LPIN1: variants seen among roughly 807,000 people sequenced by gnomAD.
LPIN1 encodes the protein phosphatidate phosphatase LPIN1.
A neutral mutation model predicts 107.5 loss-of-function variants in LPIN1; 71 were observed. The ratio of observed to expected loss-of-function variants is 0.66; its 90% CI spans 0.55 to 0.80. The LOEUF (loss-of-function observed/expected upper bound fraction) is 0.80, where lower values mean the gene tolerates loss of function less well. LPIN1 is among the 30% of genes least tolerant of loss of function. The pLI is 0.00. For missense variants in LPIN1, 1,043 were observed against 1,160.6 expected, an observed-to-expected ratio of 0.90 and a Z score of 1.47; for synonymous variants, 445 against 452.6, an observed-to-expected ratio of 0.98 and a Z score of 0.21.
chr2:11,741,811 A>G (rs1467577182), upstream of LPIN1, among the ~76,000 whole-genome samples: 1 of 152,098 alleles, frequency 6.6e-6, no homozygotes, highest in Non-Finnish European at 1.5e-5. Flanking sequence ...CTCCATCTCA[A>G]AAACAAAACC....
chr2:11,696,828 G>A (rs952106621), intron 1 of LPIN1, among the ~76,000 whole-genome samples: 4 of 152,242 alleles, frequency 2.6e-5, no homozygotes, highest in African/African-American at 4.8e-5. Flanking sequence ...ACTTTGGGGG[G>A]CTCCTTTCCC....
chr2:11,782,417 C>A lies in LPIN1; in HGVS notation c.1174C>A (p.Pro392Thr), dbSNP rs779413969. 1 of 1,614,190 alleles carries A rather than the reference C, an allele frequency of 6.2e-7. No individual in the cohort carries two copies. Among genetic ancestry groups the A allele is most frequent in the South Asian group, 1.1e-5 (1 of 91,076 alleles). The change falls in exon 8 of 21, where the codon CCA becomes ACA. Residue 392 changes from proline to threonine, a missense_variant. By Grantham distance (38) the Pro-to-Thr change is conservative (BLOSUM62 -1). Coordinates refer to ENST00000674199, the MANE Select transcript of LPIN1 (RefSeq NM_001349206.2). ...EDLETLGAAA[P>T]LLPMIEELKP... ...CCTGGAGACCTTAGGAGCAGCAGCG[C>A]CACTCTTGCCCATGATCGAGGAGCT...
intron 14 of LPIN1, among the ~76,000 whole-genome samples, chr2:11,796,691 G>A (rs539199052): frequency 6.6e-6 from 1 of 152,286 alleles, no homozygotes; most frequent in South Asian, 2.1e-4. Context: ...CCAGGGTATC[G>A]ATATTTCCCA....
intron 1 of LPIN1, among the ~76,000 whole-genome samples, chr2:11,728,089 C>T (rs1015437107): frequency 1.3e-5 from 2 of 152,104 alleles, no homozygotes; most frequent in Non-Finnish European, 2.9e-5. Flanking sequence ...TGTGTGATAC[C>T]GAGAGATTCA....
At chr2:11,770,617 A>C (rs1339123937) in intron 3 of LPIN1, among the ~76,000 whole-genome samples, 3 of 152,214 alleles carry the variant, frequency 2.0e-5, no homozygotes, top group Admixed American at 2.0e-4. Context: ...GATCAGCAGC[A>C]CACGTTTATT....
At chr2:11,823,375 C>T (rs1004014551) in intron 20 of LPIN1, among the ~76,000 whole-genome samples, 1 of 152,136 alleles carries the variant, frequency 6.6e-6, no homozygotes, top group East Asian at 1.9e-4. Context: ...GCCTTAAAGC[C>T]GGGAGGTATT....
rs932077126 is a variant in LPIN1, at chr2:11,786,900, G to A, written c.1550-174G>A. Reference sequence around the variant, plus strand: ...CTCCCTGCATTGCTGCACAGACGCCGCCTTCCAGGTAAAATGGTGCGGCCT... The same window carrying A: ...CTCCCTGCATTGCTGCACAGACGCCACCTTCCAGGTAAAATGGTGCGGCCT... On this transcript the variant is annotated intron_variant, in intron 10 of 20. Coordinates refer to ENST00000674199, the MANE Select transcript of LPIN1 (RefSeq NM_001349206.2). This position sits in a 1 kb window ranked among gnomAD's most constrained non-coding sequence, Gnocchi z 4.1. 23 of 644,754 alleles carry A rather than the reference G, an allele frequency of 3.6e-5. No homozygotes were observed. The highest frequency in any genetic ancestry group is 1.8e-4 in the African/African-American group (10 of 56,076). 39.9% of individuals were successfully genotyped at this position (644,754 alleles called of 1,614,324 possible). A position where few individuals can be genotyped will look rare whatever the true frequency, so the allele number is the denominator to read the frequency against.
At chr2:11,759,258 C>T (rs1669237520) in intron 1 of LPIN1, among the ~76,000 whole-genome samples, 1 of 150,636 alleles carries the variant, frequency 6.6e-6, no homozygotes, top group Non-Finnish European at 1.5e-5. Context: ...CATAGGACAA[C>T]AGTGGAGGGA....
intron 1 of LPIN1, among the ~76,000 whole-genome samples, chr2:11,739,628 A>C (rs73183118): frequency 0.036 from 5,491 of 152,310 alleles, 330 homozygotes; most frequent in African/African-American, 0.12. Flanking sequence ...AAGTAACTTT[A>C]CTGCATCTCA....
chr2:11,765,647 A>G lies in LPIN1; in HGVS notation c.106A>G (p.Ile36Val). 1 of 1,614,122 alleles carries G rather than the reference A, an allele frequency of 6.2e-7. No homozygotes were observed. The highest frequency in any genetic ancestry group is 8.5e-7 in the Non-Finnish European group (1 of 1,180,000). Residue 36 changes from isoleucine (I) to valine (V), a missense_variant, in exon 2 of 21, where the codon ATC (isoleucine) becomes GTC (valine). Physicochemically the swap from Ile to Val is conservative, Grantham distance 29 (BLOSUM62 3). Transcript: ENST00000674199. This position sits in a 1 kb window ranked among gnomAD's most constrained non-coding sequence, Gnocchi z 4.4. Reference protein sequence around the residue: ...TLSGCIDIIVIRQPNGNLQCS... With the variant: ...TLSGCIDIIVVRQPNGNLQCS... ...CTCAGGGTGCATTGACATCATTGTCATCCGCCAGCCCAATGGAAACCTCCA... is the reference window on the plus strand; with the variant it reads ...CTCAGGGTGCATTGACATCATTGTCGTCCGCCAGCCCAATGGAAACCTCCA...
intron 6 of LPIN1, among the ~76,000 whole-genome samples, chr2:11,777,884 T>C (rs1572758558): frequency 6.6e-6 from 1 of 152,244 alleles, no homozygotes; most frequent in South Asian, 2.1e-4. Context: ...AACAGCACCG[T>C]TGAGGGTGAG....
chr2:11,750,147 C>T (rs930210957), intron 1 of LPIN1, among the ~76,000 whole-genome samples: 8 of 152,266 alleles, frequency 5.3e-5, no homozygotes, highest in African/African-American at 1.9e-4. Flanking sequence ...TGTCCCCTAG[C>T]CACACACACT....
chr2:11,739,346 C>G (rs1307228782), intron 1 of LPIN1, among the ~76,000 whole-genome samples: 1 of 152,210 alleles, frequency 6.6e-6, no homozygotes, highest in East Asian at 1.9e-4. Flanking sequence ...TTAGAGCCAC[C>G]AGCTGGGCCA....
intron 3 of LPIN1, among the ~76,000 whole-genome samples, chr2:11,768,403 T>G (rs1201454094): frequency 6.6e-6 from 1 of 152,100 alleles, no homozygotes; most frequent in Non-Finnish European, 1.5e-5. Flanking sequence ...TCCCCTATAC[T>G]CCACCTTCCA....
intron 5 of LPIN1, among the ~76,000 whole-genome samples, chr2:11,775,514 T>G (rs1672520306): frequency 6.6e-6 from 1 of 152,186 alleles, no homozygotes. Flanking sequence ...GAATGACAAA[T>G]TAGGATAAAT....
At chr2:11,705,981 C>G (rs61153226) in intron 1 of LPIN1, among the ~76,000 whole-genome samples, 3,345 of 152,110 alleles carry the variant, frequency 0.022, 131 homozygotes, top group African/African-American at 0.076. Flanking sequence ...CTTGTGATAG[C>G]GAATGAATCT....
At chr2:11,809,127 C>T (rs930782791) in intron 17 of LPIN1, among the ~76,000 whole-genome samples, 1 of 146,546 alleles carries the variant, frequency 6.8e-6, no homozygotes, top group Admixed American at 6.7e-5. Context: ...CTTTCAGATT[C>T]AGGTGCATTC....
intron 20 of LPIN1, 136 bp downstream of exon 20, chr2:11,820,650 T>C: frequency 1.5e-6 from 1 of 661,210 alleles, no homozygotes; most frequent in East Asian, 2.7e-5. Context: ...AAAAAATGTA[T>C]TTTAACTCCT....
chr2:11,740,518 A>T (rs534699136), intron 1 of LPIN1, among the ~76,000 whole-genome samples: 48 of 150,090 alleles, frequency 3.2e-4, no homozygotes, highest in African/African-American at 8.5e-4. Flanking sequence ...CTGTCTCTAT[A>T]AAAAAAAATA....
Sources: allele counts gnomAD v4.1 joint callset (sites outside exome capture counted in the v4.1 genomes callset), GRCh38; gene constraint gnomAD v4.1.1; non-coding constraint Gnocchi (gnomAD v3.1); transcripts MANE v1.5; gene names NCBI Gene and HGNC (gene_info 2026-07-23, HGNC 2026-07-21).